PIK3C2G: variants seen among roughly 807,000 people sequenced by gnomAD.
PIK3C2G encodes phosphatidylinositol-4-phosphate 3-kinase catalytic subunit type 2 gamma.
PIK3C2G carries 168 observed loss-of-function variants against 181.1 expected under a neutral mutation model. That is an observed-to-expected ratio of 0.93 (90% CI 0.82 to 1.05). PIK3C2G has a LOEUF of 1.05. PIK3C2G is among the 50% of genes least tolerant of loss of function. The pLI is 0.00. For synonymous variants in PIK3C2G, 573 were observed against 592.2 expected, an observed-to-expected ratio of 0.97 and a Z score of 0.47; for missense variants, 1,869 against 1,732.8, an observed-to-expected ratio of 1.08 and a Z score of -1.40.
intron 18 of PIK3C2G, among the ~76,000 whole-genome samples, chr12:18,476,777 G>A (rs1047101577): frequency 1.3e-5 from 2 of 151,922 alleles, no homozygotes; most frequent in African/African-American, 2.4e-5. Flanking sequence ...CAGGTATTGG[G>A]GAGAATGATG....
intron 18 of PIK3C2G, among the ~76,000 whole-genome samples, chr12:18,451,321 T>C (rs1428225233): frequency 1.3e-5 from 2 of 152,198 alleles, no homozygotes; most frequent in Non-Finnish European, 2.9e-5. Flanking sequence ...CCTAGGTATT[T>C]TATTTTCTTT....
chr12:18,402,002 C>T (rs1694230963), intron 16 of PIK3C2G, among the ~76,000 whole-genome samples: 1 of 152,018 alleles, frequency 6.6e-6, no homozygotes, highest in African/African-American at 2.4e-5. Flanking sequence ...TACTATATGA[C>T]CCAACAATCT....
At chr12:18,317,961 T>C (rs1209774899) in intron 6 of PIK3C2G, among the ~76,000 whole-genome samples, 2 of 152,364 alleles carry the variant, frequency 1.3e-5, no homozygotes, top group East Asian at 1.9e-4. Context: ...GCAGTAGCTA[T>C]TGACGTCATA....
At chr12:18,580,087 C>G (rs1193665766) in intron 29 of PIK3C2G, among the ~76,000 whole-genome samples, 1 of 149,876 alleles carries the variant, frequency 6.7e-6, no homozygotes, top group Non-Finnish European at 1.5e-5. Context: ...GAGCCGAGTT[C>G]GCACCACTGC....
intron 22 of PIK3C2G, among the ~76,000 whole-genome samples, chr12:18,502,541 T>G (rs75216390): frequency 0.013 from 1,920 of 152,320 alleles, 21 homozygotes; most frequent in Non-Finnish European, 0.022. Flanking sequence ...GAGAGAGCTT[T>G]AAGTACTGGA....
At chr12:18,452,755 G>A (rs987007247) in intron 18 of PIK3C2G, among the ~76,000 whole-genome samples, 5 of 152,034 alleles carry the variant, frequency 3.3e-5, no homozygotes, top group African/African-American at 4.8e-5. Flanking sequence ...CAGAGATTCT[G>A]GTACATTGTG....
intron 18 of PIK3C2G, among the ~76,000 whole-genome samples, chr12:18,480,258 G>C (rs912722263): frequency 1.3e-5 from 2 of 152,016 alleles, no homozygotes; most frequent in Non-Finnish European, 2.9e-5. Flanking sequence ...GAGGGAGAGA[G>C]GGGTCACTAT....
chr12:18,255,208 C>A (rs1948132237), intron 1 of PIK3C2G, among the ~76,000 whole-genome samples: 1 of 100,922 alleles, frequency 9.9e-6, no homozygotes. Flanking sequence ...GAGTGAAACT[C>A]CGTCTCAAAA....
At chr12:18,306,741 C>T (rs1415883702) in intron 5 of PIK3C2G, among the ~76,000 whole-genome samples, 2 of 151,998 alleles carry the variant, frequency 1.3e-5, no homozygotes, top group African/African-American at 4.8e-5. Flanking sequence ...ATTCACCTTA[C>T]ATTTCTGACT....
At chr12:18,651,767 AG>A (rs1447978145), downstream of PIK3C2G, among the ~76,000 whole-genome samples, 3 of 152,168 alleles carry the variant, frequency 2.0e-5, no homozygotes, top group African/African-American at 7.2e-5. Context: ...AACCAAGGGA[AG>A]GCTCCTTGCA....
intron 1 of PIK3C2G, among the ~76,000 whole-genome samples, chr12:18,281,529 A>C (rs1280533358): frequency 7.5e-6 from 1 of 133,982 alleles, no homozygotes; most frequent in African/African-American, 2.5e-5. Context: ...TTTTTGGGGG[A>C]AAAAAAGTTT....
chr12:18,469,367 A>G (rs1938227419), intron 18 of PIK3C2G, among the ~76,000 whole-genome samples: 1 of 152,144 alleles, frequency 6.6e-6, no homozygotes, highest in African/African-American at 2.4e-5. Context: ...CAGGAAAGAA[A>G]CGAGTGAACC....
chr12:18,703,495 T>G, the PIK3C2G span, among the ~76,000 whole-genome samples: 2 of 152,310 alleles, frequency 1.3e-5, no homozygotes, highest in East Asian at 3.9e-4. Flanking sequence ...TTTCTGACCT[T>G]TGTGTTGAGA....
At chr12:18,451,849 C>T (rs138278605) in intron 18 of PIK3C2G, among the ~76,000 whole-genome samples, 155 of 152,200 alleles carry the variant, frequency 1.0e-3, no homozygotes, top group African/African-American at 3.6e-3. Flanking sequence ...TTGTCATTGG[C>T]TCTGTTTATG....
chr12:18,366,446 T>C (rs1941648054), intron 12 of PIK3C2G, among the ~76,000 whole-genome samples: 2 of 152,046 alleles, frequency 1.3e-5, no homozygotes, highest in Non-Finnish European at 2.9e-5. Flanking sequence ...GGCAGGAGAA[T>C]TGCTTGAACA....
intron 18 of PIK3C2G, among the ~76,000 whole-genome samples, chr12:18,446,384 T>C (rs934237614): frequency 3.1e-4 from 47 of 152,246 alleles, no homozygotes; most frequent in African/African-American, 1.1e-3. Flanking sequence ...AGAGAGTTCA[T>C]GGTATGTATT....
the PIK3C2G span, chr12:18,712,939 C>G: frequency 1.9e-6 from 3 of 1,613,774 alleles, no homozygotes; most frequent in South Asian, 2.2e-5. Context: ...ATTTTGTGCT[C>G]CATCCCAGCA....
At chr12:18,702,285 TA>T in the PIK3C2G span, among the ~76,000 whole-genome samples, 2 of 152,078 alleles carry the variant, frequency 1.3e-5, no homozygotes, top group Non-Finnish European at 2.9e-5. Flanking sequence ...GTATTACACA[TA>T]AACATCATTA....
Position 18,346,766 on chromosome 12 carries a change from C to A in PIK3C2G, c.1555C>A (p.Pro519Thr), listed in dbSNP as rs1403002974. ...ACCTAGATGCACTTCCTATCTAAAT[C>A]CCGGGCTTCCTTCCCACCTCAGCTT... Reference protein sequence around the residue: ...NVPRCTSYLNPGLPSHLSFTV... With the variant: ...NVPRCTSYLNTGLPSHLSFTV... Residue 519 changes from proline to threonine, a missense_variant, in exon 11 of 33, where the codon CCC becomes ACC. By Grantham distance (38) the Pro-to-Thr change is conservative. Coordinates refer to ENST00000538779, the MANE Select transcript of PIK3C2G (RefSeq NM_001288772.2). 6.2e-7 allele frequency: 1 copy of A among 1,613,714 alleles called. No homozygotes were observed. Among genetic ancestry groups the A allele is most frequent in the Admixed American group, 1.7e-5 (1 of 59,946 alleles).
Sources: allele counts gnomAD v4.1 joint callset (sites outside exome capture counted in the v4.1 genomes callset), GRCh38; gene constraint gnomAD v4.1.1; transcripts MANE v1.5; gene names NCBI Gene and HGNC (gene_info 2026-07-23, HGNC 2026-07-21).